The following METTL15 variants were observed in gnomAD, a reference collection of about 807,000 sequenced individuals.
METTL15 encodes methyltransferase 15, mitochondrial 12S rRNA N4-cytidine.
A neutral mutation model predicts 38.3 loss-of-function variants in METTL15; 34 were observed. The ratio of observed to expected loss-of-function variants is 0.89; its 90% confidence interval spans 0.68 to 1.18. The LOEUF (loss-of-function observed/expected upper bound fraction) is 1.18. METTL15 is among the 50% of genes most tolerant of loss of function. The pLI is 0.00. For synonymous variants in METTL15, 162 were observed against 170.9 expected (o/e 0.95, Z 0.41); for missense variants, 438 against 498.4 (o/e 0.88, Z 1.15).
intron 4 of METTL15, among the ~76,000 whole-genome samples, chr11:28,288,882 C>G (rs1322144439): frequency 1.3e-5 from 2 of 152,002 alleles, no homozygotes; most frequent in Non-Finnish European, 2.9e-5. Flanking sequence ...CAGATGAAAT[C>G]CTGTGTTTGG....
At chr11:28,278,164 A>C (rs961696380) in intron 4 of METTL15, among the ~76,000 whole-genome samples, 2 of 152,132 alleles carry the variant, frequency 1.3e-5, no homozygotes, top group Admixed American at 1.3e-4. Context: ...ATCACCAAGC[A>C]TTGTATAGGC....
At chr11:28,387,596 G>A (rs1002964309) in intron 5 of METTL15, among the ~76,000 whole-genome samples, 5 of 151,928 alleles carry the variant, frequency 3.3e-5, no homozygotes, top group Admixed American at 1.3e-4. Flanking sequence ...TGGCTTTACT[G>A]GAGACTTCTG....
At chr11:28,297,280 A>G (rs1174404278) in intron 6 of METTL15, among the ~76,000 whole-genome samples, 2 of 152,136 alleles carry the variant, frequency 1.3e-5, no homozygotes, top group Non-Finnish European at 2.9e-5. Flanking sequence ...GAGCAAAAGG[A>G]TTTCTTGATC....
chr11:28,372,527 C>T (rs1850255898), intron 5 of METTL15, among the ~76,000 whole-genome samples: 1 of 148,444 alleles, frequency 6.7e-6, no homozygotes, highest in South Asian at 2.1e-4. Context: ...AAAAAAAACC[C>T]TACACAAAGT....
intron 6 of METTL15, among the ~76,000 whole-genome samples, chr11:28,314,562 G>T (rs998355686): frequency 6.6e-6 from 1 of 152,136 alleles, no homozygotes; most frequent in Non-Finnish European, 1.5e-5. Flanking sequence ...GTGGCAAATG[G>T]GCCTCAATCA....
At chr11:28,373,889 G>A (rs532870489) in intron 5 of METTL15, among the ~76,000 whole-genome samples, 12 of 152,236 alleles carry the variant, frequency 7.9e-5, no homozygotes, top group Admixed American at 7.8e-4. Context: ...CATATGGCTA[G>A]CCAGTTTTCC....
At chr11:28,310,959 GTGGT>G (rs1485618970) in intron 6 of METTL15, among the ~76,000 whole-genome samples, 1 of 119,320 alleles carries the variant, frequency 8.4e-6, no homozygotes, top group African/African-American at 3.7e-5. Flanking sequence ...GGTGGTGGTG[GTGGT>G]GGGTGTGTGT....
At chr11:28,277,005 T>G (rs1461285422) in intron 4 of METTL15, among the ~76,000 whole-genome samples, 2 of 152,114 alleles carry the variant, frequency 1.3e-5, no homozygotes, top group Non-Finnish European at 2.9e-5. Context: ...AAATAATTTA[T>G]AACAAACACC....
chr11:28,417,367 C>T (rs1243939567), intron 5 of METTL15, among the ~76,000 whole-genome samples: 1 of 152,122 alleles, frequency 6.6e-6, no homozygotes, highest in Non-Finnish European at 1.5e-5. Flanking sequence ...TATTTTAAGT[C>T]CCAATCTATT....
intron 6 of METTL15, among the ~76,000 whole-genome samples, chr11:28,487,454 CT>C (rs1851447968): frequency 6.6e-6 from 1 of 152,084 alleles, no homozygotes; most frequent in Non-Finnish European, 1.5e-5. Context: ...AGCATATACA[CT>C]GTGATTTATT....
intron 4 of METTL15, among the ~76,000 whole-genome samples, chr11:28,265,753 A>G (rs146366281): frequency 1.4e-4 from 22 of 152,184 alleles, no homozygotes; most frequent in African/African-American, 4.8e-4. Flanking sequence ...ACACCTATAT[A>G]CCCAAATATC....
chr11:28,319,339 G>C (rs1048880208), intron 6 of METTL15, among the ~76,000 whole-genome samples: 1 of 152,130 alleles, frequency 6.6e-6, no homozygotes, highest in Admixed American at 6.6e-5. Flanking sequence ...AGATGGCTTG[G>C]TGAACATATC....
intron 3 of METTL15, among the ~76,000 whole-genome samples, chr11:28,130,045 C>T (rs1213117677): frequency 2.0e-5 from 3 of 152,082 alleles, no homozygotes; most frequent in South Asian, 4.1e-4. Context: ...CATGGTGGCT[C>T]ACGCATATAA....
chr11:28,501,832 G>A (rs900536634), intron 6 of METTL15, among the ~76,000 whole-genome samples: 2 of 152,148 alleles, frequency 1.3e-5, no homozygotes, highest in African/African-American at 2.4e-5. Context: ...AGGCGCGGTG[G>A]CTCACACCTG....
chr11:28,521,590 C>T (rs1213249115), intron 6 of METTL15, among the ~76,000 whole-genome samples: 1 of 152,158 alleles, frequency 6.6e-6, no homozygotes, highest in African/African-American at 2.4e-5. Flanking sequence ...TCCAGATTCA[C>T]TTTCTATTTT....
intron 4 of METTL15, among the ~76,000 whole-genome samples, chr11:28,221,479 T>G (rs1853218210): frequency 6.6e-6 from 1 of 151,952 alleles, no homozygotes; most frequent in African/African-American, 2.4e-5. Flanking sequence ...TTTTTCAAGG[T>G]TTTTAACTTC....
chr11:28,437,436 G>A (rs1329706747), intron 6 of METTL15, among the ~76,000 whole-genome samples: 1 of 152,222 alleles, frequency 6.6e-6, no homozygotes, highest in African/African-American at 2.4e-5. Flanking sequence ...ATATAGGGAT[G>A]CAACATGGAC....
At chr11:28,136,500 T>C (rs1484927841) in intron 3 of METTL15, among the ~76,000 whole-genome samples, 3 of 152,296 alleles carry the variant, frequency 2.0e-5, no homozygotes, top group Non-Finnish European at 4.4e-5. Context: ...CTTGGGTATA[T>C]CTTTATTAGC....
chr11:28,360,879 A>G (rs1301688193), intron 4 of METTL15, among the ~76,000 whole-genome samples: 2 of 136,722 alleles, frequency 1.5e-5, no homozygotes, highest in East Asian at 2.2e-4. Context: ...TCATTGTTCA[A>G]TTCCCATCTA....
Sources: gnomAD v4.1 joint callset for allele counts (sites outside exome capture counted in the v4.1 genomes callset) on GRCh38, gnomAD v4.1.1 for gene constraint, MANE v1.5 for transcripts, NCBI Gene and HGNC (gene_info 2026-07-23, HGNC 2026-07-21) for gene names.